Variants in ATG10 observed in about 807,000 individuals in gnomAD.
ATG10 encodes the protein ubiquitin-like-conjugating enzyme ATG10.
Under a neutral mutation model 32.1 loss-of-function variants are expected in ATG10, and 30 were observed. That is an observed-to-expected ratio of 0.94 (90% CI 0.70 to 1.27). ATG10 has a LOEUF of 1.27. Among genes scored for constraint, ATG10 ranks in the 50% most tolerant of loss-of-function variants. The probability of loss-of-function intolerance (pLI) is 0.00; values close to 1 mark genes in which losing one functional copy is unlikely to be tolerated. For synonymous variants in ATG10, 87 were observed against 91.5 expected, an observed-to-expected ratio of 0.95 and a Z score of 0.28; for missense variants, 233 against 262.3, an observed-to-expected ratio of 0.89 and a Z score of 0.77.
chr5:82,048,596 T>G (rs1347499797), intron 2 of ATG10, among the ~76,000 whole-genome samples: 1 of 152,100 alleles, frequency 6.6e-6, no homozygotes, highest in East Asian at 1.9e-4. Context: ...GAAACTACCA[T>G]TAGAGTGAAC....
intron 3 of ATG10, among the ~76,000 whole-genome samples, chr5:82,150,469 T>G (rs1007823018): frequency 8.5e-5 from 13 of 152,214 alleles, no homozygotes; most frequent in Admixed American, 5.2e-4. Context: ...AGCCTAAGCT[T>G]CTTTTATTTT....
At chr5:82,170,428 A>C (rs146637275) in intron 4 of ATG10, among the ~76,000 whole-genome samples, 1 of 152,156 alleles carries the variant, frequency 6.6e-6, no homozygotes, top group Non-Finnish European at 1.5e-5. Flanking sequence ...ATTCGAGTCT[A>C]TATGTTAGGT....
At chr5:82,141,684 A>C (rs1767149478) in intron 3 of ATG10, among the ~76,000 whole-genome samples, 1 of 152,088 alleles carries the variant, frequency 6.6e-6, no homozygotes, top group South Asian at 2.1e-4. Flanking sequence ...GAGTATATAA[A>C]ATTTATACGT....
intron 1 of ATG10, among the ~76,000 whole-genome samples, chr5:81,984,683 T>G (rs2149663101): frequency 6.6e-6 from 1 of 152,354 alleles, no homozygotes; most frequent in African/African-American, 2.4e-5. Context: ...TTCATCCATC[T>G]CATAGGAAGT....
chr5:82,206,417 G>A (rs1003952441), intron 5 of ATG10, among the ~76,000 whole-genome samples: 5 of 152,084 alleles, frequency 3.3e-5, no homozygotes, highest in African/African-American at 1.2e-4. Context: ...GGAGGCTGAG[G>A]CGGGCGGATC....
chr5:81,980,808 A>G (rs1761024771), intron 1 of ATG10, among the ~76,000 whole-genome samples: 1 of 152,074 alleles, frequency 6.6e-6, no homozygotes, highest in Non-Finnish European at 1.5e-5. Context: ...CTGGGAGAGA[A>G]CTGCCTTGAA....
chr5:82,230,433 A>G (rs1746311026), intron 5 of ATG10, among the ~76,000 whole-genome samples: 1 of 152,166 alleles, frequency 6.6e-6, no homozygotes, highest in Non-Finnish European at 1.5e-5. Flanking sequence ...TATATGCATA[A>G]TTTATAATAG....
intron 5 of ATG10, among the ~76,000 whole-genome samples, chr5:82,189,056 T>G (rs186437837): frequency 1.3e-5 from 2 of 152,356 alleles, no homozygotes; most frequent in East Asian, 3.9e-4. Context: ...TACATTTTTT[T>G]GTAAGCTGAT....
intron 3 of ATG10, among the ~76,000 whole-genome samples, chr5:82,092,714 A>C (rs1336342453): frequency 1.3e-5 from 2 of 152,232 alleles, no homozygotes; most frequent in East Asian, 3.8e-4. Context: ...GCTCATGCTC[A>C]CATCTGTCAC....
At chr5:82,217,009 TG>T (rs1745708426) in intron 5 of ATG10, among the ~76,000 whole-genome samples, 1 of 151,324 alleles carries the variant, frequency 6.6e-6, no homozygotes, top group South Asian at 2.1e-4. Flanking sequence ...GAGCCGAGAT[TG>T]CGCTACTGCA....
At chr5:82,188,932 C>T (rs183202642) in intron 5 of ATG10, among the ~76,000 whole-genome samples, 154 of 152,218 alleles carry the variant, frequency 1.0e-3, no homozygotes, top group African/African-American at 3.2e-3. Context: ...CTCTGGTTCT[C>T]TCCCATGTCA....
At chr5:81,974,768 A>AT (rs1760821703) in intron 1 of ATG10, among the ~76,000 whole-genome samples, 1 of 151,978 alleles carries the variant, frequency 6.6e-6, no homozygotes, top group South Asian at 2.1e-4. Flanking sequence ...GGCGAGAGCT[A>AT]TGTCTCCAAG....
At chr5:81,977,494 C>A (rs1330585734) in intron 1 of ATG10, among the ~76,000 whole-genome samples, 4 of 152,220 alleles carry the variant, frequency 2.6e-5, no homozygotes, top group African/African-American at 9.7e-5. Flanking sequence ...TATTTCCAAG[C>A]AGCCCCTTGA....
At chr5:81,978,838 A>C (rs892492325) in intron 1 of ATG10, among the ~76,000 whole-genome samples, 9 of 152,108 alleles carry the variant, frequency 5.9e-5, no homozygotes, top group Non-Finnish European at 1.0e-4. Flanking sequence ...CAGGCCTGAA[A>C]GTTGAAGAAA....
chr5:82,067,347 A>AT (rs997632555), intron 3 of ATG10, among the ~76,000 whole-genome samples: 1 of 152,096 alleles, frequency 6.6e-6, no homozygotes, highest in Admixed American at 6.6e-5. Flanking sequence ...TACAAACTAT[A>AT]TTTTTTTAAC....
At chr5:81,993,226 T>C (rs1226676959) in intron 2 of ATG10, among the ~76,000 whole-genome samples, 3 of 152,056 alleles carry the variant, frequency 2.0e-5, no homozygotes, top group African/African-American at 7.2e-5. Context: ...AATACTTACT[T>C]TATATGGTTG....
chr5:82,059,935 A>G (rs1033474747), intron 3 of ATG10, among the ~76,000 whole-genome samples: 3 of 151,992 alleles, frequency 2.0e-5, no homozygotes, highest in African/African-American at 7.3e-5. Context: ...TCAATTCATT[A>G]TATATTAACT....
intron 3 of ATG10, among the ~76,000 whole-genome samples, chr5:82,082,315 T>C (rs1256436883): frequency 6.6e-6 from 1 of 152,210 alleles, no homozygotes; most frequent in Non-Finnish European, 1.5e-5. Flanking sequence ...ATTCATATAT[T>C]CTGGAGTTCA....
intron 3 of ATG10, among the ~76,000 whole-genome samples, chr5:82,101,549 A>G (rs916366747): frequency 6.6e-6 from 1 of 152,356 alleles, no homozygotes; most frequent in South Asian, 2.1e-4. Flanking sequence ...TTGAGAGGCA[A>G]ATAGCTTGGT....
Sources: gnomAD v4.1 joint callset for allele counts (sites outside exome capture counted in the v4.1 genomes callset) on GRCh38, gnomAD v4.1.1 for gene constraint, MANE v1.5 for transcripts, NCBI Gene and HGNC (gene_info 2026-07-23, HGNC 2026-07-21) for gene names.